FGF13: variants seen among roughly 807,000 people sequenced by gnomAD.
FGF13 encodes fibroblast growth factor homologous factor 2.
A neutral mutation model predicts 19.5 loss-of-function variants in FGF13; 2 were observed. The observed-to-expected ratio is 0.10, with a 90% CI of 0.04 to 0.32. FGF13 has a LOEUF of 0.32. FGF13 is among the 10% of genes least tolerant of loss of function. The probability of loss-of-function intolerance (pLI) is 1.00; values close to 1 mark genes in which losing one functional copy is unlikely to be tolerated. For missense variants in FGF13, 113 were observed against 192.7 expected, an observed-to-expected ratio of 0.59 and a Z score of 2.45; for synonymous variants, 72 against 76.9, an observed-to-expected ratio of 0.94 and a Z score of 0.33.
chrX:139,184,574 G>A (rs184893789), intron 1 of FGF13, among the ~76,000 whole-genome samples: 38 of 110,737 alleles, frequency 3.4e-4, no homozygotes, highest in African/African-American at 1.2e-3. Context: ...CATAGCACTT[G>A]TCAGCAGATA....
At chrX:138,818,527 C>T (rs2090977302) in intron 3 of FGF13, among the ~76,000 whole-genome samples, 1 of 108,415 alleles carries the variant, frequency 9.2e-6, no homozygotes, top group Non-Finnish European at 1.9e-5. Flanking sequence ...CACACACACA[C>T]ACACACACAC....
intron 1 of FGF13, among the ~76,000 whole-genome samples, chrX:138,991,050 T>G (rs771394602): frequency 8.9e-6 from 1 of 111,976 alleles, no homozygotes; most frequent in African/African-American, 3.2e-5. Context: ...CCAGGCCCAG[T>G]GCAGGCCCAC....
rs182495654 is a variant in FGF13 at position 139,088,122 on chromosome X, G to A, written c.-113+115294C>T. 1.6e-3 allele frequency among the ~76,000 whole-genome samples: 175 copies of A among 111,885 alleles called. 1 individual carries two copies. The highest frequency in any genetic ancestry group is 5.3e-3 in the African/African-American group (163 of 30,810). ...AGTATGTTATTCCTGCAAAATGGCA[G>A]GTTTTCGAAAACATGCTGGGCAGCT... is the stretch of plus-strand genomic sequence containing the variant. On this transcript the variant is annotated intron_variant, in intron 1 of 2. Transcript: ENST00000421460.
chrX:138,882,801 T>C (rs2091433952), intron 1 of FGF13, among the ~76,000 whole-genome samples: 1 of 111,800 alleles, frequency 8.9e-6, no homozygotes. Context: ...TAAACTTGTT[T>C]GAGGAAGGGT....
chrX:138,889,162 G>A (rs1008926922), intron 1 of FGF13, among the ~76,000 whole-genome samples: 4 of 111,583 alleles, frequency 3.6e-5, no homozygotes, highest in Non-Finnish European at 7.5e-5. Flanking sequence ...GATAATCCAG[G>A]GTTGGGGTGT....
At chrX:139,112,040 C>G (rs1302774421) in intron 1 of FGF13, among the ~76,000 whole-genome samples, 1 of 111,598 alleles carries the variant, frequency 9.0e-6, no homozygotes, top group Non-Finnish European at 1.9e-5. Context: ...AATTCTAAGA[C>G]CAATAAAAAC....
At chrX:139,144,131 C>A (rs969261551) in intron 1 of FGF13, among the ~76,000 whole-genome samples, 1 of 111,612 alleles carries the variant, frequency 9.0e-6, no homozygotes, top group Non-Finnish European at 1.9e-5. Flanking sequence ...TAGCCTCAGG[C>A]CTGGGATGGC....
intron 1 of FGF13, among the ~76,000 whole-genome samples, chrX:138,975,151 C>T (rs1004536882): frequency 5.3e-5 from 6 of 112,859 alleles, no homozygotes; most frequent in Admixed American, 9.3e-5. Flanking sequence ...ATAATGAAAG[C>T]AATAATACTC....
chrX:138,720,755 G>T (rs2090141487), intron 1 of FGF13, among the ~76,000 whole-genome samples: 1 of 111,414 alleles, frequency 9.0e-6, no homozygotes, highest in African/African-American at 3.3e-5. Context: ...AGAAGTTGGG[G>T]AACGAAATTA....
At chrX:138,917,424 TCAA>T (rs1259042440) in intron 1 of FGF13, among the ~76,000 whole-genome samples, 1 of 111,777 alleles carries the variant, frequency 8.9e-6, no homozygotes, top group Non-Finnish European at 1.9e-5. Flanking sequence ...TCACCAGAAC[TCAA>T]CAATTCTGGC....
intron 1 of FGF13, among the ~76,000 whole-genome samples, chrX:139,140,975 ATC>A (rs2083838591): frequency 9.2e-6 from 1 of 109,190 alleles, no homozygotes; most frequent in Non-Finnish European, 1.9e-5. Context: ...TTCATGGTCA[ATC>A]TCTCACTTCC....
intron 3 of FGF13, among the ~76,000 whole-genome samples, chrX:138,695,702 T>C (rs1351324329): frequency 1.8e-5 from 2 of 111,965 alleles, no homozygotes; most frequent in Non-Finnish European, 3.8e-5. Flanking sequence ...TTTGAAGTTG[T>C]TTCCAAATAA....
intron 3 of FGF13, among the ~76,000 whole-genome samples, chrX:138,764,580 G>A (rs150736135): frequency 0.015 from 1,698 of 112,166 alleles, 18 homozygotes; most frequent in African/African-American, 0.052. Context: ...TGTGAAATTC[G>A]AATGTCAAGG....
intron 1 of FGF13, among the ~76,000 whole-genome samples, chrX:138,938,821 G>A (rs2091744490): frequency 8.9e-6 from 1 of 111,833 alleles, no homozygotes; most frequent in African/African-American, 3.3e-5. Flanking sequence ...GTACTTCCAA[G>A]AAACTGTCTA....
chrX:138,835,416 G>A (rs995596632), intron 3 of FGF13, among the ~76,000 whole-genome samples: 3 of 111,799 alleles, frequency 2.7e-5, no homozygotes, highest in African/African-American at 9.7e-5. Flanking sequence ...GCGGATTTTT[G>A]TTTTGTTTTG....
chrX:138,993,859 C>T (rs1393347309), intron 1 of FGF13, among the ~76,000 whole-genome samples: 2 of 111,636 alleles, frequency 1.8e-5, no homozygotes, highest in Middle Eastern at 4.7e-3. Flanking sequence ...GTAAAAGTGC[C>T]TCTTACAGTG....
At chrX:138,800,117 T>TG (rs1376643951) in intron 3 of FGF13, among the ~76,000 whole-genome samples, 1 of 112,164 alleles carries the variant, frequency 8.9e-6, no homozygotes, top group African/African-American at 3.2e-5. Context: ...CCTGTCATCA[T>TG]GATGCTTGCT....
At chrX:138,978,767 T>TTTG (rs1290829546) in intron 1 of FGF13, among the ~76,000 whole-genome samples, 1 of 112,147 alleles carries the variant, frequency 8.9e-6, no homozygotes, top group African/African-American at 3.2e-5. Flanking sequence ...GTCATACTGC[T>TTTG]AGCAGGTGGC....
chrX:138,875,696 T>A (rs1232857192), intron 1 of FGF13, among the ~76,000 whole-genome samples: 1 of 111,190 alleles, frequency 9.0e-6, no homozygotes, highest in Non-Finnish European at 1.9e-5. Context: ...AGAGGACTGA[T>A]CCTCTCCTAA....
Sources: allele counts gnomAD v4.1 joint callset (sites outside exome capture counted in the v4.1 genomes callset), GRCh38; gene constraint gnomAD v4.1.1; transcripts MANE v1.5; gene names NCBI Gene and HGNC (gene_info 2026-07-23, HGNC 2026-07-21).